Variants in TEX9 observed in about 807,000 individuals in gnomAD.
The protein encoded by TEX9 is testis expressed 9.
TEX9 carries 74 observed loss-of-function variants against 59.6 expected under a neutral mutation model. That is an observed-to-expected ratio of 1.24 (90% CI 1.03 to 1.51). The LOEUF (loss-of-function observed/expected upper bound fraction) is 1.51, where lower values mean the gene tolerates loss of function less well. Among genes scored for constraint, TEX9 ranks in the 40% most tolerant of loss-of-function variants. The pLI, the probability that TEX9 is intolerant of heterozygous loss-of-function variation, is 0.00. For missense variants in TEX9, 522 were observed against 447.8 expected (o/e 1.17, Z -1.49); for synonymous variants, 186 against 152.2 (o/e 1.22, Z -1.64).
At chr15:56,308,678 G>A (rs377006315) in intron 1 of TEX9, among the ~76,000 whole-genome samples, 1 of 152,114 alleles carries the variant, frequency 6.6e-6, no homozygotes, top group East Asian at 1.9e-4. Context: ...CAGTTTTATA[G>A]TTTTAGCTCT....
chr15:56,314,542 C>T (rs1289336102), intron 1 of TEX9, among the ~76,000 whole-genome samples: 6 of 149,606 alleles, frequency 4.0e-5, no homozygotes, highest in Non-Finnish European at 8.9e-5. Flanking sequence ...TGTTCTTTTA[C>T]ATTTGCTGAG....
chr15:56,425,395 C>G (rs897833447), intron 10 of TEX9, among the ~76,000 whole-genome samples: 1 of 152,120 alleles, frequency 6.6e-6, no homozygotes, highest in Admixed American at 6.6e-5. Context: ...CTGCTGTTCA[C>G]TTTTCTTCAT....
At chr15:56,328,407 A>T (rs1477783155) in intron 1 of TEX9, among the ~76,000 whole-genome samples, 1 of 152,126 alleles carries the variant, frequency 6.6e-6, no homozygotes, top group East Asian at 1.9e-4. Flanking sequence ...ATGGTGATAA[A>T]GTAAAGGGGA....
chr15:56,244,084 T>A (rs1198299481), exon 1 of TEX9: 6 of 149,450 alleles, frequency 4.0e-5, no homozygotes, highest in African/African-American at 1.5e-4. Flanking sequence ...GTGGGGGAGG[T>A]GCTGGCGAGA....
intron 1 of TEX9, among the ~76,000 whole-genome samples, chr15:56,324,335 ATACTT>A (rs1263997714): frequency 9.2e-5 from 14 of 152,170 alleles, no homozygotes; most frequent in African/African-American, 3.4e-4. Context: ...TTACAAGTCT[ATACTT>A]TAATTTAGAA....
chr15:56,315,383 A>C (rs1350417709), intron 1 of TEX9, among the ~76,000 whole-genome samples: 39 of 147,584 alleles, frequency 2.6e-4, no homozygotes, highest in Admixed American at 2.3e-3. Flanking sequence ...TTGTCTGTAA[A>C]GTATTTTATT....
At chr15:56,274,277 T>A (rs2044618376) in intron 1 of TEX9, among the ~76,000 whole-genome samples, 1 of 152,214 alleles carries the variant, frequency 6.6e-6, no homozygotes, top group African/African-American at 2.4e-5. Context: ...AAAGTAATCT[T>A]TATCTGTGTT....
intron 1 of TEX9, among the ~76,000 whole-genome samples, chr15:56,298,340 C>T (rs1232177239): frequency 6.6e-6 from 1 of 152,068 alleles, no homozygotes; most frequent in Non-Finnish European, 1.5e-5. Flanking sequence ...TTTGACCTCC[C>T]CTTTTTAAAT....
chr15:56,452,777 C>CA, the TEX9 span, among the ~76,000 whole-genome samples: 2 of 152,138 alleles, frequency 1.3e-5, no homozygotes, highest in African/African-American at 4.8e-5. Flanking sequence ...CTCGGCCTCC[C>CA]AAAGTGCTGG....
chr15:56,308,738 A>T (rs1412338201), intron 1 of TEX9, among the ~76,000 whole-genome samples: 1 of 152,130 alleles, frequency 6.6e-6, no homozygotes. Context: ...ATAGTGTATG[A>T]GGAAGGGGTC....
chr15:56,411,378 A>G (rs538651696), intron 9 of TEX9, among the ~76,000 whole-genome samples: 25 of 150,714 alleles, frequency 1.7e-4, no homozygotes, highest in African/African-American at 4.8e-4. Flanking sequence ...ATGATGATAA[A>G]TGTCTCTCAA....
chr15:56,284,357 T>C (rs1011859781), intron 1 of TEX9, among the ~76,000 whole-genome samples: 2 of 152,140 alleles, frequency 1.3e-5, no homozygotes, highest in Non-Finnish European at 2.9e-5. Flanking sequence ...ACTTTGTGCA[T>C]AAAAAGTTAA....
chr15:56,425,893 T>C (rs958343294), intron 10 of TEX9, among the ~76,000 whole-genome samples: 1 of 152,164 alleles, frequency 6.6e-6, no homozygotes, highest in Non-Finnish European at 1.5e-5. Context: ...TGGTGTAAAG[T>C]CTTGAGGTCC....
At chr15:56,314,905 T>A (rs2045716261) in intron 1 of TEX9, among the ~76,000 whole-genome samples, 1 of 151,882 alleles carries the variant, frequency 6.6e-6, no homozygotes, top group South Asian at 2.1e-4. Flanking sequence ...CATTATGTAA[T>A]GGCCTTCTTT....
intron 3 of TEX9, among the ~76,000 whole-genome samples, chr15:56,375,989 C>T (rs1226835978): frequency 6.7e-6 from 1 of 149,728 alleles, no homozygotes; most frequent in Non-Finnish European, 1.5e-5. Context: ...CCAATTGCTG[C>T]ATATTCTCAC....
chr15:56,384,115 T>G (rs2047859747), intron 4 of TEX9, 84 bp downstream of exon 4: 1 of 1,070,548 alleles, frequency 9.3e-7, no homozygotes, highest in Non-Finnish European at 1.4e-6. Context: ...ATGCAAACAT[T>G]GAAAAATCTA....
intron 1 of TEX9, among the ~76,000 whole-genome samples, chr15:56,354,755 A>C (rs1301256982): frequency 6.6e-6 from 1 of 152,184 alleles, no homozygotes; most frequent in Non-Finnish European, 1.5e-5. Flanking sequence ...GGTGTTACTT[A>C]GAGGCATGGA....
chr15:56,437,953 A>T (rs1167758241), intron 12 of TEX9, among the ~76,000 whole-genome samples: 1 of 152,220 alleles, frequency 6.6e-6, no homozygotes, highest in African/African-American at 2.4e-5. Context: ...CCACTGCTCA[A>T]CGAAATAAAA....
intron 8 of TEX9, 42 bp from the exon 9 acceptor site, chr15:56,394,619 C>G (rs762625199): frequency 7.3e-7 from 1 of 1,361,312 alleles, no homozygotes; most frequent in South Asian, 1.4e-5. Flanking sequence ...GATAACAAAT[C>G]TTACATATTT....
Sources: gnomAD v4.1 joint callset for allele counts (sites outside exome capture counted in the v4.1 genomes callset) on GRCh38, gnomAD v4.1.1 for gene constraint, MANE v1.5 for transcripts, NCBI Gene and HGNC (gene_info 2026-07-23, HGNC 2026-07-21) for gene names.